The following NR2F1-AS1 variants were observed in gnomAD, a reference collection of about 807,000 sequenced individuals.
NR2F1-AS1 encodes the protein NR2F1 regulatory antisense RNA 1.
chr5:93,583,218 T>C (rs1263784659), upstream of NR2F1-AS1: 1 of 152,162 alleles, frequency 6.6e-6, no homozygotes, highest in Non-Finnish European at 1.5e-5. Flanking sequence ...CAGATCCCCC[T>C]TTCGGAAACA....
chr5:93,481,830 T>C lies in NR2F1-AS1; in HGVS notation n.638+71931A>G, dbSNP rs147570850. Reference sequence around the variant, plus strand: ...AAAAATAGGTTAAGAAAGAAATCACTAGAAAAACAGAAAAATACTTTCAGA... The same window carrying C: ...AAAAATAGGTTAAGAAAGAAATCACCAGAAAAACAGAAAAATACTTTCAGA... On this transcript the variant is annotated intron_variant and non_coding_transcript_variant, in intron 4 of 5. Coordinates refer to ENST00000660523, the Ensembl canonical transcript of NR2F1-AS1. Among the ~76,000 whole-genome samples, 973 of 151,878 alleles carry C rather than the reference T, an allele frequency of 6.4e-3. 2 individuals carry two copies. Among genetic ancestry groups the C allele is most frequent in the Non-Finnish European group, 0.011 (773 of 67,890 alleles).
At chr5:93,547,543 C>A (rs1306222056) in intron 4 of NR2F1-AS1, among the ~76,000 whole-genome samples, 1 of 152,080 alleles carries the variant, frequency 6.6e-6, no homozygotes, top group African/African-American at 2.4e-5. Flanking sequence ...ATATCAACAG[C>A]AAGGAGGCCT....
chr5:93,513,493 A>T (rs184595055), intron 4 of NR2F1-AS1, among the ~76,000 whole-genome samples: 2 of 152,334 alleles, frequency 1.3e-5, no homozygotes, highest in South Asian at 2.1e-4. Flanking sequence ...ATAAAAAAGA[A>T]GAAAATCAAA....
At chr5:93,524,125 T>C (rs1751562286) in intron 4 of NR2F1-AS1, among the ~76,000 whole-genome samples, 1 of 151,870 alleles carries the variant, frequency 6.6e-6, no homozygotes. Flanking sequence ...GTAAGACGAA[T>C]TGCTAACTAG....
intron 4 of NR2F1-AS1, among the ~76,000 whole-genome samples, chr5:93,524,528 G>A (rs1437114053): frequency 1.3e-5 from 2 of 152,116 alleles, no homozygotes; most frequent in Non-Finnish European, 2.9e-5. Context: ...TATTCCTCGA[G>A]AAGAACAACC....
At chr5:93,545,594 T>G (rs1227205731) in intron 4 of NR2F1-AS1, among the ~76,000 whole-genome samples, 1 of 152,212 alleles carries the variant, frequency 6.6e-6, no homozygotes, top group Non-Finnish European at 1.5e-5. Flanking sequence ...TAATCCACAC[T>G]TTTGCCTCTT....
At chr5:93,533,611 A>C (rs1751777378) in intron 4 of NR2F1-AS1, among the ~76,000 whole-genome samples, 1 of 152,068 alleles carries the variant, frequency 6.6e-6, no homozygotes, top group Non-Finnish European at 1.5e-5. Flanking sequence ...TCTAAGAATG[A>C]TGATGATGAT....
chr5:93,506,851 G>C (rs1238384144), intron 4 of NR2F1-AS1, among the ~76,000 whole-genome samples: 2 of 152,072 alleles, frequency 1.3e-5, no homozygotes, highest in African/African-American at 2.4e-5. Context: ...GGCAAAAATG[G>C]ATAAGAAAAG....
intron 4 of NR2F1-AS1, among the ~76,000 whole-genome samples, chr5:93,440,047 C>T (rs1213205584): frequency 1.3e-5 from 2 of 152,100 alleles, no homozygotes; most frequent in Non-Finnish European, 2.9e-5. Flanking sequence ...GATAAATAAT[C>T]AGATAAGTCT....
intron 1 of NR2F1-AS1, among the ~76,000 whole-genome samples, chr5:93,576,960 CAT>C (rs1318132460): frequency 1.3e-5 from 2 of 152,214 alleles, no homozygotes; most frequent in Non-Finnish European, 2.9e-5. Flanking sequence ...AATTTTATAA[CAT>C]AAAAGTCTTC....
chr5:93,453,788 A>C (rs1160360037), intron 4 of NR2F1-AS1, among the ~76,000 whole-genome samples: 1 of 152,210 alleles, frequency 6.6e-6, no homozygotes, highest in African/African-American at 2.4e-5. Flanking sequence ...GGCAAAATAC[A>C]GACCTTTTCC....
chr5:93,502,468 GAAA>G (rs1751102254), intron 4 of NR2F1-AS1, among the ~76,000 whole-genome samples: 2 of 151,388 alleles, frequency 1.3e-5, no homozygotes, highest in Admixed American at 6.6e-5. Context: ...ATATAACGTA[GAAA>G]CTGAACCTAG....
intron 1 of NR2F1-AS1, among the ~76,000 whole-genome samples, chr5:93,575,091 G>A (rs947210110): frequency 2.6e-5 from 4 of 152,254 alleles, no homozygotes; most frequent in African/African-American, 7.2e-5. Flanking sequence ...AGAGAGGTTG[G>A]CAGGTTGAGA....
At chr5:93,421,498 C>T (rs1749087337) in intron 4 of NR2F1-AS1, among the ~76,000 whole-genome samples, 1 of 152,198 alleles carries the variant, frequency 6.6e-6, no homozygotes, top group Non-Finnish European at 1.5e-5. Context: ...CAGCTGCCCC[C>T]TCTTCACTAG....
Position 93,479,854 on chromosome 5 carries a change from TA to T in NR2F1-AS1, n.638+73906del, listed in dbSNP as rs553153041. On this transcript the variant is annotated intron_variant and non_coding_transcript_variant, in intron 4 of 5. Coordinates refer to ENST00000660523, the Ensembl canonical transcript of NR2F1-AS1. ...TAAAGGAATAGAAATTATTTTTTTT[TA>T]AAAAGAACACAGTAGAAATAATGGA... Among the ~76,000 whole-genome samples the T allele has an allele frequency of 6.7e-5, 10 of 149,108 alleles. No homozygotes were observed. In the South Asian group the frequency reaches 2.1e-3, roughly 31 times the overall value.
At chr5:93,482,949 C>G (rs1750633268) in intron 4 of NR2F1-AS1, among the ~76,000 whole-genome samples, 1 of 152,178 alleles carries the variant, frequency 6.6e-6, no homozygotes, top group South Asian at 2.1e-4. Flanking sequence ...GCAGCAGACC[C>G]AATCAGGGGA....
chr5:93,545,476 A>C (rs530748625), intron 4 of NR2F1-AS1, among the ~76,000 whole-genome samples: 2 of 152,326 alleles, frequency 1.3e-5, no homozygotes, highest in African/African-American at 4.8e-5. Context: ...AAAATGACTT[A>C]ATGTTTTGGA....
At chr5:93,521,920 C>T (rs910980637) in intron 4 of NR2F1-AS1, among the ~76,000 whole-genome samples, 5 of 152,174 alleles carry the variant, frequency 3.3e-5, no homozygotes, top group South Asian at 2.1e-4. Flanking sequence ...CTGTTCATTG[C>T]GGCACTATTC....
At chr5:93,424,944 C>T (rs1425962553) in intron 4 of NR2F1-AS1, among the ~76,000 whole-genome samples, 5 of 152,140 alleles carry the variant, frequency 3.3e-5, no homozygotes, top group Non-Finnish European at 7.4e-5. Context: ...GTCTAAACTC[C>T]TTAATATGGT....
Sources: allele counts gnomAD v4.1 joint callset (sites outside exome capture counted in the v4.1 genomes callset), GRCh38; gene constraint gnomAD v4.1.1; transcripts MANE v1.5; gene names NCBI Gene and HGNC (gene_info 2026-07-23, HGNC 2026-07-21).